The following CSMD1 variants were observed in gnomAD, a reference collection of about 807,000 sequenced individuals.
CSMD1 encodes the protein CUB and sushi domain-containing protein 1.
A neutral mutation model predicts 417.5 loss-of-function variants in CSMD1; 213 were observed. The observed-to-expected ratio is 0.51, with a 90% CI of 0.46 to 0.57. The LOEUF is 0.57. CSMD1 is among the 20% of genes least tolerant of loss of function. The pLI, the probability that CSMD1 is intolerant of heterozygous loss-of-function variation, is 0.00. For missense variants in CSMD1, 6,923 were observed against 4,529.7 expected, an observed-to-expected ratio of 1.53 and a Z score of -15.17; for synonymous variants, 2,862 against 1,736.8, an observed-to-expected ratio of 1.65 and a Z score of -16.11.
intron 3 of CSMD1, among the ~76,000 whole-genome samples, chr8:4,179,466 A>G (rs997167934): frequency 1.3e-5 from 2 of 151,754 alleles, no homozygotes; most frequent in African/African-American, 2.4e-5. Context: ...ACCTAAAACC[A>G]TAAAAACCCT....
At chr8:3,517,725 C>T (rs181880501) in intron 10 of CSMD1, among the ~76,000 whole-genome samples, 1 of 152,130 alleles carries the variant, frequency 6.6e-6, no homozygotes, top group Non-Finnish European at 1.5e-5. Context: ...GATAGTATAA[C>T]TCATAGGGCT....
At chr8:3,492,842 C>G (rs574167574) in intron 11 of CSMD1, among the ~76,000 whole-genome samples, 75 of 151,974 alleles carry the variant, frequency 4.9e-4, no homozygotes, top group African/African-American at 1.8e-3. Context: ...TTTTCCCCCC[C>G]ATGTCTGTTA....
At chr8:3,335,667 C>A (rs900817491) in intron 23 of CSMD1, among the ~76,000 whole-genome samples, 12 of 152,110 alleles carry the variant, frequency 7.9e-5, no homozygotes, top group African/African-American at 2.7e-4. Context: ...CAGAGTGAGA[C>A]TCCGACTCAA....
intron 7 of CSMD1, among the ~76,000 whole-genome samples, chr8:3,659,054 T>G (rs1254332979): frequency 1.3e-5 from 2 of 152,236 alleles, no homozygotes; most frequent in Middle Eastern, 6.3e-3. Flanking sequence ...CCATTGCATC[T>G]ACTTGAAATT....
At chr8:4,603,760 T>C (rs1800718642) in intron 2 of CSMD1, among the ~76,000 whole-genome samples, 1 of 152,212 alleles carries the variant, frequency 6.6e-6, no homozygotes, top group Non-Finnish European at 1.5e-5. Flanking sequence ...AGGATGATTT[T>C]GGTGTACCGG....
At chr8:3,206,988 C>G (rs929372040) in intron 30 of CSMD1, among the ~76,000 whole-genome samples, 4 of 152,174 alleles carry the variant, frequency 2.6e-5, no homozygotes, top group African/African-American at 9.6e-5. Flanking sequence ...TCAGGACAGC[C>G]TGTTGCACCC....
chr8:4,821,263 T>C (rs917744714), intron 1 of CSMD1, among the ~76,000 whole-genome samples: 2 of 152,128 alleles, frequency 1.3e-5, no homozygotes, highest in South Asian at 4.1e-4. Flanking sequence ...CCAGTTCAAA[T>C]TGAGGCAAAT....
At chr8:3,292,502 T>C (rs1391314344) in intron 25 of CSMD1, among the ~76,000 whole-genome samples, 1 of 152,236 alleles carries the variant, frequency 6.6e-6, no homozygotes, top group East Asian at 1.9e-4. Flanking sequence ...TTCAAGAATC[T>C]GCGTGCTCCT....
At chr8:3,776,413 T>G (rs1798888090) in intron 5 of CSMD1, among the ~76,000 whole-genome samples, 1 of 152,154 alleles carries the variant, frequency 6.6e-6, no homozygotes. Context: ...GGCTGACACC[T>G]TCTCACTCCT....
At chr8:4,773,711 C>G (rs760235561) in intron 1 of CSMD1, among the ~76,000 whole-genome samples, 1 of 152,092 alleles carries the variant, frequency 6.6e-6, no homozygotes, top group Non-Finnish European at 1.5e-5. Flanking sequence ...GTATAAGCAC[C>G]ACTCTTATGA....
intron 1 of CSMD1, among the ~76,000 whole-genome samples, chr8:4,727,657 G>T (rs938776916): frequency 6.6e-6 from 1 of 151,930 alleles, no homozygotes; most frequent in Non-Finnish European, 1.5e-5. Flanking sequence ...AATCCACGGG[G>T]ACCAGCTCTA....
At chr8:3,626,439 T>C (rs1449043798) in intron 7 of CSMD1, among the ~76,000 whole-genome samples, 2 of 152,182 alleles carry the variant, frequency 1.3e-5, no homozygotes, top group Non-Finnish European at 2.9e-5. Flanking sequence ...GGCCAGCAAC[T>C]TAAAAATGTG....
intron 5 of CSMD1, among the ~76,000 whole-genome samples, chr8:3,824,252 CA>C (rs200887302): frequency 2.2e-4 from 31 of 140,848 alleles, no homozygotes; most frequent in South Asian, 2.3e-4. Context: ...AAACAAAAAC[CA>C]AAAAAAAAAA....
chr8:3,768,251 G>A (rs1163881736), intron 5 of CSMD1, among the ~76,000 whole-genome samples: 12 of 152,246 alleles, frequency 7.9e-5, no homozygotes, highest in African/African-American at 2.4e-4. Context: ...AGGCGGAGAC[G>A]TATTCCCGGG....
chr8:3,003,689 C>T lies in CSMD1; in HGVS notation c.8030-3558G>A, dbSNP rs1030744765. Among the ~76,000 whole-genome samples the T allele has an allele frequency of 4.6e-5, 7 of 152,090 alleles. No homozygotes were observed. In the East Asian group the frequency reaches 5.8e-4, roughly 13 times the overall value. ...GGTAAACGCAGAGGAGCAGCTGTCA[C>T]GTGCAGAGTCCTGAGGGTGTGCGGA... On this transcript the variant is annotated intron_variant, in intron 52 of 69. Coordinates refer to ENST00000635120, the MANE Select transcript of CSMD1 (RefSeq NM_033225.6).
intron 3 of CSMD1, among the ~76,000 whole-genome samples, chr8:4,053,475 G>T (rs2554535): frequency 6.6e-6 from 1 of 151,332 alleles, no homozygotes; most frequent in South Asian, 2.1e-4. Context: ...CAAGGTTTTG[G>T]CCAACGCAAT....
At chr8:3,811,587 G>T (rs1036862245) in intron 5 of CSMD1, among the ~76,000 whole-genome samples, 1 of 152,046 alleles carries the variant, frequency 6.6e-6, no homozygotes, top group South Asian at 2.1e-4. Context: ...GGCCATCATG[G>T]GACAACCACA....
intron 1 of CSMD1, among the ~76,000 whole-genome samples, chr8:4,711,501 G>C (rs561339426): frequency 5.6e-4 from 85 of 152,012 alleles, no homozygotes; most frequent in African/African-American, 1.9e-3. Flanking sequence ...TTCAGAGAAA[G>C]TATTTTTGGG....
chr8:4,204,130 G>C (rs1385000304), intron 3 of CSMD1, among the ~76,000 whole-genome samples: 2 of 152,114 alleles, frequency 1.3e-5, no homozygotes, highest in East Asian at 1.9e-4. Flanking sequence ...AAAACTTAAA[G>C]GATCTGTCAG....
Sources: allele counts gnomAD v4.1 joint callset (sites outside exome capture counted in the v4.1 genomes callset), GRCh38; gene constraint gnomAD v4.1.1; transcripts MANE v1.5; gene names NCBI Gene and HGNC (gene_info 2026-07-23, HGNC 2026-07-21).